GSAP: variants seen among roughly 807,000 people sequenced by gnomAD.
GSAP encodes the protein gamma-secretase-activating protein.
A neutral mutation model predicts 131.7 loss-of-function variants in GSAP; 118 were observed. The ratio of observed to expected loss-of-function variants is 0.90; its 90% CI spans 0.77 to 1.04. The LOEUF (loss-of-function observed/expected upper bound fraction) is 1.04. GSAP is among the 50% of genes least tolerant of loss of function. GSAP has a pLI of 0.00. For synonymous variants in GSAP, 381 were observed against 363.4 expected (o/e 1.05, Z -0.55); for missense variants, 1,019 against 1,013.2 (o/e 1.01, Z -0.08).
intron 5 of GSAP, 29 bp downstream of exon 5, chr7:77,396,953 A>G (rs1384268543): frequency 3.7e-6 from 5 of 1,333,428 alleles, no homozygotes; most frequent in Non-Finnish European, 4.3e-6. Flanking sequence ...TCATCTACCC[A>G]TAGGTACTAA....
chr7:77,396,863 A>C (rs1389164831), intron 5 of GSAP, 119 bp downstream of exon 5: 1 of 582,304 alleles, frequency 1.7e-6, no homozygotes, highest in Non-Finnish European at 2.9e-6. Context: ...TTTGCCTTTT[A>C]TTCTGAGATA....
chr7:77,348,787 C>T (rs901408099), intron 19 of GSAP, among the ~76,000 whole-genome samples: 8 of 152,228 alleles, frequency 5.3e-5, no homozygotes, highest in African/African-American at 1.7e-4. Flanking sequence ...AAGACACTAA[C>T]AGCTACAGCT....
chr7:77,350,665 C>T (rs1792725694), intron 18 of GSAP, among the ~76,000 whole-genome samples: 3 of 151,864 alleles, frequency 2.0e-5, no homozygotes, highest in African/African-American at 7.3e-5. Flanking sequence ...ATCACTTGAA[C>T]CTGGGAGATG....
chr7:77,343,251 T>G (rs150690913), intron 19 of GSAP, among the ~76,000 whole-genome samples: 4,354 of 152,284 alleles, frequency 0.029, 204 homozygotes, highest in African/African-American at 0.093. Flanking sequence ...ACAGTTCTCA[T>G]AACTTCCAAA....
chr7:77,413,274 G>A (rs774320614), intron 1 of GSAP, among the ~76,000 whole-genome samples: 2 of 152,216 alleles, frequency 1.3e-5, no homozygotes, highest in African/African-American at 2.4e-5. Flanking sequence ...CTGAAATGGA[G>A]TTGTCCCATG....
intron 19 of GSAP, chr7:77,330,897 C>T: frequency 3.1e-6 from 3 of 965,202 alleles, no homozygotes; most frequent in Non-Finnish European, 3.7e-6. Flanking sequence ...TTGTCACATA[C>T]ACCAAAACAG....
chr7:77,355,503 T>C (rs1039646548), intron 15 of GSAP, 52 bp downstream of exon 15: 1 of 1,522,870 alleles, frequency 6.6e-7, no homozygotes, highest in Non-Finnish European at 9.0e-7. Context: ...GATATTAAAG[T>C]CAAAACAAAC....
chr7:77,384,445 A>T (rs1798249933), intron 6 of GSAP, among the ~76,000 whole-genome samples: 1 of 152,264 alleles, frequency 6.6e-6, no homozygotes, highest in East Asian at 1.9e-4. Context: ...CAGCTCTGCA[A>T]AAGCACTCAA....
At chr7:77,403,632 T>C (rs1347312126) in intron 3 of GSAP, among the ~76,000 whole-genome samples, 1 of 152,072 alleles carries the variant, frequency 6.6e-6, no homozygotes, top group Admixed American at 6.6e-5. Flanking sequence ...ACAAGACATG[T>C]GAAGGTTAAG....
At chr7:77,368,264 G>C (rs1795601075) in intron 12 of GSAP, among the ~76,000 whole-genome samples, 1 of 152,152 alleles carries the variant, frequency 6.6e-6, no homozygotes, top group Non-Finnish European at 1.5e-5. Flanking sequence ...GTGAACATCT[G>C]GATGATTCAG....
At chr7:77,411,461 T>C (rs933455981) in intron 1 of GSAP, among the ~76,000 whole-genome samples, 1 of 152,248 alleles carries the variant, frequency 6.6e-6, no homozygotes, top group Non-Finnish European at 1.5e-5. Flanking sequence ...ATCTATCTAT[T>C]ATAGTGCTAT....
chr7:77,398,425 A>T (rs764696470), intron 3 of GSAP, among the ~76,000 whole-genome samples: 3 of 152,178 alleles, frequency 2.0e-5, no homozygotes, highest in Non-Finnish European at 4.4e-5. Context: ...AATTATTACT[A>T]AGAAGAATCT....
chr7:77,402,616 A>AAAAAAAAAAAAAAAAAAAAT lies in GSAP; in HGVS notation c.243+1942_243+1943insATTTTTTTTTTTTTTTTTTT, dbSNP rs375595494. On this transcript the variant is annotated intron_variant, in intron 3 of 30. Coordinates refer to ENST00000257626, the MANE Select transcript of GSAP (RefSeq NM_017439.4). ...CTCAAAAAAAAAAAAAAAAAAAAAA[A>AAAAAAAAAAAAAAAAAAAAT]GAATTTTAAAGCCCATCTAGATTTG... Among the ~76,000 whole-genome samples the AAAAAAAAAAAAAAAAAAAAT allele has an allele frequency of 3.7e-3, 300 of 80,460 alleles. 55 individuals carry two copies. Among genetic ancestry groups the AAAAAAAAAAAAAAAAAAAAT allele is most frequent in the Middle Eastern group, 0.03 (3 of 100 alleles). The allele number at this position is 80,460 out of a possible 152,430, so 52.8% of individuals were successfully genotyped here.
At chr7:77,365,915 T>G (rs1795227666) in intron 12 of GSAP, among the ~76,000 whole-genome samples, 1 of 150,002 alleles carries the variant, frequency 6.7e-6, no homozygotes, top group South Asian at 2.1e-4. Flanking sequence ...TTTTTTTTTT[T>G]TTTTTTTACT....
chr7:77,379,814 G>T, intron 8 of GSAP: 1 of 970,580 alleles, frequency 1.0e-6, no homozygotes, highest in Non-Finnish European at 1.2e-6. Context: ...AGCCCCTGCG[G>T]GACAATGGTA....
At chr7:77,346,838 T>G (rs865832804) in intron 19 of GSAP, among the ~76,000 whole-genome samples, 23 of 151,412 alleles carry the variant, frequency 1.5e-4, no homozygotes, top group African/African-American at 5.1e-4. Context: ...ATATCGGGTA[T>G]TTTAGGCTTC....
chr7:77,395,033 C>A (rs79880804), intron 5 of GSAP, among the ~76,000 whole-genome samples: 1 of 152,174 alleles, frequency 6.6e-6, no homozygotes, highest in Non-Finnish European at 1.5e-5. Flanking sequence ...ACTTACAAGA[C>A]TGAGCAAGCA....
intron 19 of GSAP, among the ~76,000 whole-genome samples, chr7:77,341,334 CA>C (rs1212429314): frequency 4.6e-5 from 7 of 152,130 alleles, no homozygotes; most frequent in African/African-American, 1.7e-4. Flanking sequence ...CCCTCCTCCC[CA>C]AGGCTGCTCC....
intron 12 of GSAP, among the ~76,000 whole-genome samples, chr7:77,370,303 C>CA (rs1795933905): frequency 1.3e-5 from 2 of 151,826 alleles, no homozygotes; most frequent in African/African-American, 4.8e-5. Context: ...ACTAAAAATA[C>CA]AAAAAAAATT....
Sources: allele counts gnomAD v4.1 joint callset (sites outside exome capture counted in the v4.1 genomes callset), GRCh38; gene constraint gnomAD v4.1.1; transcripts MANE v1.5; gene names NCBI Gene and HGNC (gene_info 2026-07-23, HGNC 2026-07-21).